SUGCT: variants seen among roughly 807,000 people sequenced by gnomAD.
SUGCT encodes succinyl-CoA:glutarate CoA-transferase.
In SUGCT, 41 loss-of-function variants were observed where a neutral mutation model predicts 55.0. That is an observed-to-expected ratio of 0.74 (90% CI 0.58 to 0.97). The LOEUF (loss-of-function observed/expected upper bound fraction) is 0.97, where lower values mean the gene tolerates loss of function less well. SUGCT is among the 50% of genes least tolerant of loss of function. SUGCT has a pLI of 0.00. For synonymous variants in SUGCT, 187 were observed against 200.4 expected, an observed-to-expected ratio of 0.93 and a Z score of 0.56; for missense variants, 568 against 547.8, an observed-to-expected ratio of 1.04 and a Z score of -0.37.
chr7:40,529,424 A>T (rs1793970773), intron 12 of SUGCT, among the ~76,000 whole-genome samples: 1 of 152,202 alleles, frequency 6.6e-6, no homozygotes, highest in Non-Finnish European at 1.5e-5. Flanking sequence ...GTAGTGGAGG[A>T]TGCAGAATGC....
rs549157035 is a variant in SUGCT at position 40,135,058 on chromosome 7, G to T, written c.38G>T (p.Arg13Ile). ...CTGGCGAGGGTGGCAGCTCTGCGCA[G>T]AACCTGCCTCTTCTCCGGCCGGGGC... Reference protein sequence around the residue: ...ATLARVAALRRTCLFSGRGGG... With the variant: ...ATLARVAALRITCLFSGRGGG... Residue 13 changes from arginine (R) to isoleucine (I), a missense_variant, in exon 1 of 14, where the codon AGA becomes ATA. Coordinates refer to ENST00000335693, the MANE Select transcript of SUGCT (RefSeq NM_001193313.2). 12 of 1,562,124 alleles carry T rather than the reference G, an allele frequency of 7.7e-6. No homozygotes were observed. The highest frequency in any genetic ancestry group is 1.9e-5 in the Admixed American group (1 of 52,734).
intron 6 of SUGCT, among the ~76,000 whole-genome samples, chr7:40,196,560 G>A (rs997950607): frequency 3.3e-5 from 5 of 152,200 alleles, no homozygotes; most frequent in African/African-American, 1.2e-4. Flanking sequence ...AAACTGGTAG[G>A]TGAGAGAATG....
chr7:40,900,140 A>G, the SUGCT span, among the ~76,000 whole-genome samples: 1 of 152,206 alleles, frequency 6.6e-6, no homozygotes, highest in Admixed American at 6.5e-5. Flanking sequence ...CAGATTTGGA[A>G]ACTTGGCTCA....
At chr7:40,476,483 A>G (rs1306884762) in intron 11 of SUGCT, among the ~76,000 whole-genome samples, 1 of 152,188 alleles carries the variant, frequency 6.6e-6, no homozygotes, top group Non-Finnish European at 1.5e-5. Flanking sequence ...CTCTTAATTT[A>G]TATGCATAGT....
At chr7:40,456,537 G>A (rs530939613) in intron 10 of SUGCT, among the ~76,000 whole-genome samples, 2 of 152,194 alleles carry the variant, frequency 1.3e-5, no homozygotes, top group East Asian at 3.9e-4. Context: ...AGACAGATAT[G>A]GAGTAATAAA....
chr7:40,404,009 C>G (rs1786226585), intron 9 of SUGCT, among the ~76,000 whole-genome samples: 1 of 152,016 alleles, frequency 6.6e-6, no homozygotes, highest in African/African-American at 2.4e-5. Context: ...CACGCTGTAG[C>G]CATATAGGAA....
intron 9 of SUGCT, among the ~76,000 whole-genome samples, chr7:40,355,640 G>T (rs879738283): frequency 5.3e-5 from 8 of 152,116 alleles, no homozygotes; most frequent in Admixed American, 5.2e-4. Context: ...TTAAATTAAA[G>T]AATATAAAAT....
At position 40,811,264 on chromosome 7, in the gene SUGCT, T is replaced by C. The variant is rs1057351987; in HGVS notation, c.1154-49052T>C. ...CTATTTGGGCTCTTTTTTGGTTCCA[T>C]ATGAACTTTAGAATAGTTTTTTCTT... is the stretch of plus-strand genomic sequence containing the variant. On this transcript the variant is annotated intron_variant, in intron 13 of 13. Coordinates refer to ENST00000335693, the MANE Select transcript of SUGCT (RefSeq NM_001193313.2). 2.6e-5 allele frequency among the ~76,000 whole-genome samples: 4 copies of C among 152,182 alleles called. No individual in the cohort carries two copies. The South Asian group carries it at 6.2e-4, about 24-fold the overall frequency.
intron 12 of SUGCT, among the ~76,000 whole-genome samples, chr7:40,544,921 T>C (rs1480604761): frequency 6.6e-6 from 1 of 152,132 alleles, no homozygotes; most frequent in East Asian, 1.9e-4. Context: ...CTAGTAAATA[T>C]GGAAAGAGGG....
At chr7:40,403,265 T>TTAGCAACATTAC (rs1311593565) in intron 9 of SUGCT, among the ~76,000 whole-genome samples, 1 of 152,212 alleles carries the variant, frequency 6.6e-6, no homozygotes, top group African/African-American at 2.4e-5. Flanking sequence ...GTAGGTAAGC[T>TTAGCAACATTAC]TAGCAACATT....
rs1794434887 is a variant in SUGCT at position 40,860,359 on chromosome 7, G to A, written c.1197G>A (p.Arg399=). ...GTAAGTTCAAGATGTCAGAGGCCAG[G>A]CCGCCCCCGCTGCTCGGGCAGCACA... The part of the protein sequence containing the change: ...RYSKFKMSEA[R]PPPLLGQHTT... The change falls in exon 14 of 14, where the codon AGG becomes AGA. Residue 399 remains arginine (R), a synonymous_variant. Transcript: ENST00000335693. The A allele has an allele frequency of 6.2e-7, 1 of 1,613,994 alleles. No homozygotes were observed. Among genetic ancestry groups the A allele is most frequent in the African/African-American group, 1.3e-5 (1 of 75,058 alleles).
chr7:40,372,942 AAGAC>A (rs1784360099), intron 9 of SUGCT, among the ~76,000 whole-genome samples: 1 of 152,046 alleles, frequency 6.6e-6, no homozygotes, highest in South Asian at 2.1e-4. Context: ...AGGAAATTGT[AAGAC>A]AAATATATAC....
chr7:40,959,638 G>A, the SUGCT span, among the ~76,000 whole-genome samples: 2 of 152,022 alleles, frequency 1.3e-5, no homozygotes, highest in East Asian at 1.9e-4. Flanking sequence ...AGACCACTCG[G>A]CTCCCTGGCT....
chr7:40,571,879 A>G (rs1796471189), intron 12 of SUGCT, among the ~76,000 whole-genome samples: 1 of 152,240 alleles, frequency 6.6e-6, no homozygotes, highest in South Asian at 2.1e-4. Context: ...CAACACTTAC[A>G]TAGAAATGAA....
At chr7:40,959,742 A>C in the SUGCT span, among the ~76,000 whole-genome samples, 2 of 151,110 alleles carry the variant, frequency 1.3e-5, no homozygotes, top group African/African-American at 4.9e-5. Context: ...TCCTACAGCT[A>C]GCTTGGTGTC....
At chr7:40,933,114 G>A in the SUGCT span, among the ~76,000 whole-genome samples, 1 of 152,074 alleles carries the variant, frequency 6.6e-6, no homozygotes, top group Non-Finnish European at 1.5e-5. Flanking sequence ...AGGAGCTCTT[G>A]TAAGGCAGGC....
the SUGCT span, among the ~76,000 whole-genome samples, chr7:41,012,023 C>T: frequency 2.0e-5 from 3 of 152,298 alleles, no homozygotes; most frequent in South Asian, 6.2e-4. Context: ...TTCTCGAGTG[C>T]AGCCCCAGCT....
chr7:40,725,653 A>G (rs965053997), intron 12 of SUGCT, among the ~76,000 whole-genome samples: 26 of 151,284 alleles, frequency 1.7e-4, no homozygotes, highest in African/African-American at 6.1e-4. Context: ...GGAAGCTGAT[A>G]TGCTTCCTCC....
At chr7:40,362,459 AAC>A (rs1341406940) in intron 9 of SUGCT, among the ~76,000 whole-genome samples, 1 of 152,100 alleles carries the variant, frequency 6.6e-6, no homozygotes. Context: ...TCAGCCAACC[AAC>A]CAATCAATGT....
Sources: allele counts gnomAD v4.1 joint callset (sites outside exome capture counted in the v4.1 genomes callset), GRCh38; gene constraint gnomAD v4.1.1; transcripts MANE v1.5; gene names NCBI Gene and HGNC (gene_info 2026-07-23, HGNC 2026-07-21).